The following DOCK1 variants were observed in gnomAD, a reference collection of about 807,000 sequenced individuals.
DOCK1 encodes the protein dedicator of cytokinesis 1.
In DOCK1, 138 loss-of-function variants were observed where a neutral mutation model predicts 262.7. The ratio of observed to expected loss-of-function variants is 0.53; its 90% CI spans 0.46 to 0.61. The LOEUF (loss-of-function observed/expected upper bound fraction) is 0.61, where lower values mean the gene tolerates loss of function less well. DOCK1 is among the 20% of genes least tolerant of loss of function. The pLI is 0.00. For missense variants in DOCK1, 1,908 were observed against 2,370.7 expected, an observed-to-expected ratio of 0.80 and a Z score of 4.05; for synonymous variants, 866 against 867.4, an observed-to-expected ratio of 1.00 and a Z score of 0.03.
chr10:126,974,372 T>A (rs1025429108), intron 2 of DOCK1, among the ~76,000 whole-genome samples: 3 of 152,218 alleles, frequency 2.0e-5, no homozygotes, highest in African/African-American at 4.8e-5. Flanking sequence ...GGGATAGTGA[T>A]GCATTTTCTT....
chr10:127,393,453 CGGGAAATAGGGGCTTCCAGAATCCAG>C (rs1031200912), intron 38 of DOCK1, among the ~76,000 whole-genome samples: 1 of 152,164 alleles, frequency 6.6e-6, no homozygotes, highest in African/African-American at 2.4e-5. Context: ...CAGCTTCCTA[CGGGAAATAGGGGCTTCCAGAATCCAG>C]GACAAGCTTG....
chr10:127,370,788 A>G (rs1051623348), intron 33 of DOCK1, among the ~76,000 whole-genome samples: 8 of 152,168 alleles, frequency 5.3e-5, no homozygotes, highest in African/African-American at 1.9e-4. Context: ...AAGGCCTTCT[A>G]TTCATAAGTG....
At position 127,343,760 on chromosome 10, in the gene DOCK1, T is replaced by A; in HGVS notation, c.3224+14T>A. On this transcript the variant is annotated intron_variant, in intron 31 of 51. Coordinates refer to ENST00000623213, the MANE Select transcript of DOCK1 (RefSeq NM_001290223.2). ...AATCCTTAACAAGTAAGTTCTCATCTAGCTCTGAAACTGCAGGCAGGAGCC... is the reference window on the plus strand; with the variant it reads ...AATCCTTAACAAGTAAGTTCTCATCAAGCTCTGAAACTGCAGGCAGGAGCC... 6.3e-7 allele frequency: 1 copy of A among 1,585,560 alleles called. No homozygotes were observed.
At chr10:126,961,094 A>G (rs1456635652) in intron 1 of DOCK1, among the ~76,000 whole-genome samples, 5 of 152,146 alleles carry the variant, frequency 3.3e-5, no homozygotes, top group Non-Finnish European at 4.4e-5. Flanking sequence ...ATAACAAATG[A>G]TGGTTCCTCT....
chr10:127,030,858 T>A lies in DOCK1; in HGVS notation c.1625-792T>A, dbSNP rs371155989. ...TCTGTCTCTCTGTCACACACACACATAAACACAACATCTGGTAGTGATAAG... is the reference window on the plus strand; with the variant it reads ...TCTGTCTCTCTGTCACACACACACAAAAACACAACATCTGGTAGTGATAAG... On this transcript the variant is annotated intron_variant, in intron 16 of 51. Transcript: ENST00000623213. Among the ~76,000 whole-genome samples, 1,184 of 151,298 alleles carry A rather than the reference T, an allele frequency of 7.8e-3. 19 individuals carry two copies. The highest frequency in any genetic ancestry group is 0.027 in the African/African-American group (1,113 of 41,418).
At chr10:127,331,099 G>T (rs1264308229) in intron 29 of DOCK1, among the ~76,000 whole-genome samples, 1 of 152,170 alleles carries the variant, frequency 6.6e-6, no homozygotes, top group Admixed American at 6.5e-5. Context: ...CAGACAAGTG[G>T]CTAAAGGTGA....
intron 29 of DOCK1, among the ~76,000 whole-genome samples, chr10:127,319,307 G>A (rs1233461199): frequency 6.6e-6 from 1 of 152,178 alleles, no homozygotes; most frequent in Non-Finnish European, 1.5e-5. Flanking sequence ...ATTGGATTGT[G>A]TAGCATAAAG....
intron 35 of DOCK1, among the ~76,000 whole-genome samples, chr10:127,376,061 A>G (rs549498424): frequency 1.3e-5 from 2 of 152,344 alleles, no homozygotes; most frequent in African/African-American, 4.8e-5. Context: ...GCTAAAGACA[A>G]AAACACAGTG....
At chr10:127,303,993 C>T (rs1326371871) in intron 29 of DOCK1, among the ~76,000 whole-genome samples, 3 of 152,232 alleles carry the variant, frequency 2.0e-5, no homozygotes, top group South Asian at 2.1e-4. Flanking sequence ...CCCCAGGGAA[C>T]ATTCAGCAAA....
Position 127,343,681 on chromosome 10 carries a change from C to A in DOCK1, c.3159C>A (p.Phe1053Leu). 1 of 1,611,556 alleles carries A rather than the reference C, an allele frequency of 6.2e-7. No individual in the cohort carries two copies. Among genetic ancestry groups the A allele is most frequent in the East Asian group, 2.2e-5 (1 of 44,850 alleles). Residue 1053 changes from phenylalanine to leucine, a missense_variant, in exon 31 of 52, where the codon TTC becomes TTA. Physicochemically the swap from Phe to Leu is conservative, Grantham distance 22 (BLOSUM62 0). Around this residue, in one of 9 missense-constraint regions of DOCK1, gnomAD observed 518 missense variants for 575.1 expected, o/e 0.90. Transcript: ENST00000623213. Reference protein sequence around the residue: ...WNNYFHLAVAFLTQESLQLEN... With the variant: ...WNNYFHLAVALLTQESLQLEN... Reference sequence around the variant, plus strand: ...ACTACTTTCACCTGGCTGTTGCTTTCCTTACTCAAGAGTCCCTGCAACTGG... The same window carrying A: ...ACTACTTTCACCTGGCTGTTGCTTTACTTACTCAAGAGTCCCTGCAACTGG...
chr10:127,246,812 T>A (rs1363996455), intron 27 of DOCK1, among the ~76,000 whole-genome samples: 1 of 152,214 alleles, frequency 6.6e-6, no homozygotes, highest in Non-Finnish European at 1.5e-5. Flanking sequence ...ATTTAGGCAT[T>A]CTGATATATT....
At chr10:126,926,956 A>C (rs2033779502) in intron 1 of DOCK1, among the ~76,000 whole-genome samples, 1 of 152,282 alleles carries the variant, frequency 6.6e-6, no homozygotes, top group South Asian at 2.1e-4. Flanking sequence ...CAGCCCCGGG[A>C]TACTGACACA....
chr10:127,304,885 AAAAAC>A (rs1474584209), intron 29 of DOCK1, among the ~76,000 whole-genome samples: 6 of 152,182 alleles, frequency 3.9e-5, no homozygotes, highest in African/African-American at 1.4e-4. Context: ...TTGTCTGAAA[AAAAAC>A]AAAACAACAA....
intron 47 of DOCK1, among the ~76,000 whole-genome samples, chr10:127,430,544 C>G (rs1306686297): frequency 6.6e-6 from 1 of 152,122 alleles, no homozygotes; most frequent in Non-Finnish European, 1.5e-5. Flanking sequence ...TGAGGGCCGG[C>G]CAAGGTTCTA....
intron 27 of DOCK1, among the ~76,000 whole-genome samples, chr10:127,217,967 C>CT (rs978123208): frequency 2.9e-4 from 43 of 149,272 alleles, no homozygotes; most frequent in Admixed American, 1.1e-3. Flanking sequence ...TTGCTTTTTT[C>CT]TTTTTTTTTT....
intron 18 of DOCK1, among the ~76,000 whole-genome samples, chr10:127,035,941 G>A (rs1412932129): frequency 1.3e-5 from 2 of 151,798 alleles, no homozygotes; most frequent in Non-Finnish European, 2.9e-5. Flanking sequence ...GTTAGAGGCT[G>A]CATTGAGCTG....
chr10:127,202,023 A>T (rs1218456143), intron 27 of DOCK1, among the ~76,000 whole-genome samples: 1 of 152,114 alleles, frequency 6.6e-6, no homozygotes, highest in African/African-American at 2.4e-5. Context: ...ACTTCTGATC[A>T]GAACTAGGGC....
rs1591640213 is a variant in DOCK1, at chr10:127,012,036, CGTG to C, written c.1059-193_1059-191del. Among the ~76,000 whole-genome samples the C allele has an allele frequency of 6.6e-6, 1 of 152,126 alleles. No individual in the cohort carries two copies. The highest frequency in any genetic ancestry group is 1.5e-5 in the Non-Finnish European group (1 of 68,036). On this transcript the variant is annotated intron_variant, in intron 11 of 51. Transcript: ENST00000623213. This position sits in a 1 kb window ranked among gnomAD's most constrained non-coding sequence, Gnocchi z 4.0. The stretch of plus-strand genomic sequence containing the variant: ...TGCCCTCATTTGCTCTGTTCCCTCT[CGTG>C]GTTCAGCATTTTCCTGATCAATGCT...
rs749105440 is a variant in DOCK1, at chr10:126,996,784, T to C, written c.510T>C (p.Asp170=). ...TGGACCTGGTGGTTAGAGATGAAGA[T>C]GGGAATATTTTGGATCCAGAATTAA... The part of the protein sequence containing the change: ...LDLDLVVRDE[D]GNILDPELTS... The change falls in exon 7 of 52, where the codon GAT becomes GAC. Residue 170 remains aspartate, a synonymous_variant. Transcript: ENST00000623213. 9 of 1,612,530 alleles carry C rather than the reference T, an allele frequency of 5.6e-6. No homozygotes were observed. In the East Asian group the frequency reaches 1.6e-4, roughly 28 times the overall value.
Sources: gnomAD v4.1 joint callset for allele counts (sites outside exome capture counted in the v4.1 genomes callset) on GRCh38, gnomAD v4.1.1 for gene constraint, gnomAD v4.1.1 regional missense constraint, Gnocchi (gnomAD v3.1) non-coding constraint, MANE v1.5 for transcripts, NCBI Gene and HGNC (gene_info 2026-07-23, HGNC 2026-07-21) for gene names.